ROBO1: variants seen among roughly 807,000 people sequenced by gnomAD.
The protein encoded by ROBO1 is roundabout guidance receptor 1.
In ROBO1, 149 loss-of-function variants were observed where a neutral mutation model predicts 195.9. The observed-to-expected ratio is 0.76, with a 90% confidence interval of 0.67 to 0.87. The LOEUF (loss-of-function observed/expected upper bound fraction) is 0.87, where lower values mean the gene tolerates loss of function less well. ROBO1 is among the 40% of genes least tolerant of loss of function. The pLI is 0.00. For missense variants in ROBO1, 1,933 were observed against 2,068.3 expected (o/e 0.93, Z 1.27); for synonymous variants, 816 against 733.2 (o/e 1.11, Z -1.82).
chr3:78,651,777 T>C lies in ROBO1; in HGVS notation c.2767A>G (p.Lys923Glu). ...GTACTAGTAAGTCCGTTTCTCTTCT[T>C]GCGGTGTCGATAAAGCCAGATGCTG... ...VFSIWLYRHR[K>E]KRNGLTSTYA... Residue 923 changes from lysine to glutamate, a missense_variant, in exon 19 of 31, where the codon AAG (lysine) becomes GAG (glutamate). By Grantham distance (56) the Lys-to-Glu change is moderately conservative (BLOSUM62 1). This residue lies in a region of ROBO1 where 1,737 missense variants were observed against 1,882.5 expected (regional missense o/e 0.92). Coordinates refer to ENST00000464233, the MANE Select transcript of ROBO1 (RefSeq NM_002941.4). 1 of 1,613,602 alleles carries C rather than the reference T, an allele frequency of 6.2e-7. No homozygotes were observed. Among genetic ancestry groups the C allele is most frequent in the Non-Finnish European group, 8.5e-7 (1 of 1,179,634 alleles).
chr3:79,464,174 A>G (rs62257573), intron 2 of ROBO1, among the ~76,000 whole-genome samples: 9,464 of 152,254 alleles, frequency 0.062, 543 homozygotes, highest in East Asian at 0.19. Flanking sequence ...TCACCAGTTA[A>G]TTGATACTTG....
chr3:79,723,519 CT>C (rs1301571975), intron 1 of ROBO1, among the ~76,000 whole-genome samples: 1 of 152,104 alleles, frequency 6.6e-6, no homozygotes, highest in Non-Finnish European at 1.5e-5. Context: ...AAATTATCCC[CT>C]ACTCCCTAAA....
intron 2 of ROBO1, among the ~76,000 whole-genome samples, chr3:79,347,226 T>A (rs2035157757): frequency 3.3e-5 from 5 of 152,144 alleles, no homozygotes; most frequent in Admixed American, 3.3e-4. Context: ...AATATTTCCA[T>A]AACATGCCTT....
At chr3:79,586,980 T>C (rs1943850080) in intron 2 of ROBO1, among the ~76,000 whole-genome samples, 1 of 151,916 alleles carries the variant, frequency 6.6e-6, no homozygotes, top group African/African-American at 2.4e-5. Flanking sequence ...AGAGGTGGGC[T>C]TTAATGGGCT....
At chr3:78,841,600 T>C (rs2033206638) in intron 4 of ROBO1, among the ~76,000 whole-genome samples, 1 of 152,010 alleles carries the variant, frequency 6.6e-6, no homozygotes, top group African/African-American at 2.4e-5. Flanking sequence ...GGAAGGCCTT[T>C]CTAACAAAAG....
intron 2 of ROBO1, among the ~76,000 whole-genome samples, chr3:79,198,160 TA>T (rs2081679619): frequency 1.3e-5 from 2 of 152,160 alleles, no homozygotes; most frequent in South Asian, 4.1e-4. Flanking sequence ...CTAGGGTTTT[TA>T]TGGTTTTAGG....
At chr3:79,315,617 C>A (rs565685539) in intron 2 of ROBO1, among the ~76,000 whole-genome samples, 3 of 152,068 alleles carry the variant, frequency 2.0e-5, no homozygotes, top group Admixed American at 1.3e-4. Context: ...CAGGGAGAAA[C>A]GAGTTTTGAG....
chr3:78,928,794 T>C (rs2039350799), intron 4 of ROBO1, among the ~76,000 whole-genome samples: 1 of 152,202 alleles, frequency 6.6e-6, no homozygotes, highest in African/African-American at 2.4e-5. Flanking sequence ...CTGAATTACA[T>C]AATTAAAATG....
chr3:79,482,446 G>C (rs1938913828), intron 2 of ROBO1, among the ~76,000 whole-genome samples: 1 of 152,050 alleles, frequency 6.6e-6, no homozygotes, highest in African/African-American at 2.4e-5. Flanking sequence ...GGTTTTATAA[G>C]GGTAAACCCC....
chr3:79,659,680 A>G (rs1278150309), intron 1 of ROBO1, among the ~76,000 whole-genome samples: 1 of 152,054 alleles, frequency 6.6e-6, no homozygotes, highest in African/African-American at 2.4e-5. Context: ...ATTGTTCGGT[A>G]ATTGGATAGA....
At chr3:79,535,575 T>C (rs1170298653) in intron 2 of ROBO1, among the ~76,000 whole-genome samples, 1 of 152,188 alleles carries the variant, frequency 6.6e-6, no homozygotes, top group Admixed American at 6.6e-5. Context: ...ACTACTTTCT[T>C]TTCTGCTGTT....
chr3:79,222,234 T>C (rs1270743145), intron 2 of ROBO1, among the ~76,000 whole-genome samples: 1 of 152,118 alleles, frequency 6.6e-6, no homozygotes, highest in Non-Finnish European at 1.5e-5. Flanking sequence ...CAAGGAAATA[T>C]TTCATGTGTG....
intron 4 of ROBO1, among the ~76,000 whole-genome samples, chr3:78,833,621 T>A (rs1460281007): frequency 6.6e-6 from 1 of 152,146 alleles, no homozygotes; most frequent in Admixed American, 6.5e-5. Context: ...TCCAGGATAT[T>A]TTCTTAGGAT....
At chr3:79,720,160 C>T (rs1702641265) in intron 1 of ROBO1, among the ~76,000 whole-genome samples, 1 of 152,186 alleles carries the variant, frequency 6.6e-6, no homozygotes, top group Admixed American at 6.5e-5. Context: ...CTTTATTAGA[C>T]TCCTCCCATC....
At chr3:79,215,617 G>C (rs1043782387) in intron 2 of ROBO1, among the ~76,000 whole-genome samples, 3 of 152,146 alleles carry the variant, frequency 2.0e-5, no homozygotes, top group Non-Finnish European at 4.4e-5. Flanking sequence ...AAGACAAAGG[G>C]CTGTTTGGAT....
chr3:79,077,374 C>T (rs2079192427), intron 3 of ROBO1, among the ~76,000 whole-genome samples: 1 of 151,736 alleles, frequency 6.6e-6, no homozygotes, highest in African/African-American at 2.4e-5. Flanking sequence ...ATAGTTAAAA[C>T]AATCTCACAT....
rs138817858 is a variant in ROBO1, at chr3:79,296,622, C to T, written c.89-171083G>A. The stretch of plus-strand genomic sequence containing the variant: ...TAGATTTCCAATTGAAATGGAATTG[C>T]ATTATCTTAAAGGAATTTAAGGACA... On this transcript the variant is annotated intron_variant, in intron 2 of 30. Transcript: ENST00000464233. Among the ~76,000 whole-genome samples, 700 of 152,202 alleles carry T rather than the reference C, an allele frequency of 4.6e-3. 5 individuals carry two copies. Among genetic ancestry groups the T allele is most frequent in the African/African-American group, 0.016 (653 of 41,544 alleles).
intron 4 of ROBO1, among the ~76,000 whole-genome samples, chr3:78,791,198 T>C (rs1468632956): frequency 1.3e-5 from 2 of 152,190 alleles, no homozygotes; most frequent in African/African-American, 4.8e-5. Context: ...CCTATTGCCA[T>C]GCTTGCTTCC....
chr3:78,597,926 G>C lies in ROBO1; in HGVS notation c.*987C>G, dbSNP rs1241052927. The C allele has an allele frequency of 4.0e-5, 5 of 125,764 alleles. No individual in the cohort carries two copies. Among genetic ancestry groups the C allele is most frequent in the Admixed American group, 1.7e-4 (2 of 12,100 alleles). 7.8% of individuals were successfully genotyped at this position (125,764 alleles called of 1,614,324 possible). Reference sequence around the variant, plus strand: ...ATAGTTACAATGGTTTACAAATAAAGTTTAGTGATTGTGCTTTTAAAACCA... The same window carrying C: ...ATAGTTACAATGGTTTACAAATAAACTTTAGTGATTGTGCTTTTAAAACCA... On this transcript the variant is annotated 3_prime_UTR_variant, in exon 31 of 31. Coordinates refer to ENST00000464233, the MANE Select transcript of ROBO1 (RefSeq NM_002941.4).
Sources: gnomAD v4.1 joint callset for allele counts (sites outside exome capture counted in the v4.1 genomes callset) on GRCh38, gnomAD v4.1.1 for gene constraint, gnomAD v4.1.1 regional missense constraint, MANE v1.5 for transcripts, NCBI Gene and HGNC (gene_info 2026-07-23, HGNC 2026-07-21) for gene names.